SGIP1: variants seen among roughly 807,000 people sequenced by gnomAD.
SGIP1 encodes the protein SH3-containing GRB2-like protein 3-interacting protein 1.
SGIP1 carries 38 observed loss-of-function variants against 107.5 expected under a neutral mutation model. That is an observed-to-expected ratio of 0.35 (90% CI 0.27 to 0.46). The LOEUF is 0.46. Ranked by LOEUF, SGIP1 falls within the 20% of genes least tolerant of loss-of-function variation. The pLI is 1.00. For missense variants in SGIP1, 929 were observed against 1,019.5 expected (o/e 0.91, Z 1.21); for synonymous variants, 365 against 366.1 (o/e 1.00, Z 0.03).
chr1:66,594,997 G>T (rs994058350), intron 1 of SGIP1, among the ~76,000 whole-genome samples: 8 of 152,176 alleles, frequency 5.3e-5, no homozygotes, highest in Non-Finnish European at 1.2e-4. Context: ...GACTAAAATG[G>T]AATCAGGAGA....
chr1:66,718,740 T>C lies in SGIP1; in HGVS notation c.1631-554T>C, dbSNP rs115188204. On this transcript the variant is annotated intron_variant, in intron 18 of 24. Transcript: ENST00000371037. The stretch of plus-strand genomic sequence containing the variant: ...GCATTTATGTGTTGTGGTAAGTCGA[T>C]GTGTATAGTTTGGTTGTCTATGTTT... 5.4e-3 allele frequency among the ~76,000 whole-genome samples: 823 copies of C among 152,214 alleles called. 6 individuals carry two copies. Among genetic ancestry groups the C allele is most frequent in the African/African-American group, 0.019 (792 of 41,536 alleles).
At chr1:66,646,533 T>A (rs985119585) in intron 7 of SGIP1, among the ~76,000 whole-genome samples, 4 of 152,322 alleles carry the variant, frequency 2.6e-5, no homozygotes, top group Non-Finnish European at 5.9e-5. Context: ...CATTTATTTG[T>A]TAATATGTAT....
chr1:66,535,291 T>G (rs991901494), intron 1 of SGIP1, among the ~76,000 whole-genome samples: 1 of 152,204 alleles, frequency 6.6e-6, no homozygotes, highest in African/African-American at 2.4e-5. Flanking sequence ...GCAAAACTCC[T>G]GGCCTTTCCT....
rs1480048510 is a variant in SGIP1, at chr1:66,741,426, G to T, written c.2454G>T (p.Arg818Ser). 1.3e-6 allele frequency: 2 copies of T among 1,577,076 alleles called. No individual in the cohort carries two copies. The highest frequency in any genetic ancestry group is 1.7e-6 in the Non-Finnish European group (2 of 1,162,970). The change falls in exon 24 of 25, where the codon AGG (arginine) becomes AGT (serine). Residue 818 changes from arginine to serine, a missense_variant. Transcript: ENST00000371037. ...ATCGATTTTCACTCATCAAGAAAAG[G>T]TTTGCTGCAGGTAAATGAGTATCTT... ...AGYRFSLIKK[R>S]FAAGKYLADN
chr1:66,620,600 C>T (rs1337012194), intron 1 of SGIP1, among the ~76,000 whole-genome samples: 1 of 152,094 alleles, frequency 6.6e-6, no homozygotes, highest in Non-Finnish European at 1.5e-5. Context: ...AGCATAAACT[C>T]TTGTGAGAAC....
intron 3 of SGIP1, among the ~76,000 whole-genome samples, chr1:66,634,906 TCA>T (rs2075491487): frequency 6.6e-6 from 1 of 152,218 alleles, no homozygotes; most frequent in Non-Finnish European, 1.5e-5. Flanking sequence ...CATTCAGTTC[TCA>T]GAGATACCGA....
chr1:66,690,499 C>A, intron 17 of SGIP1, 183 bp downstream of exon 17: 1 of 697,190 alleles, frequency 1.4e-6, no homozygotes, highest in Non-Finnish European at 2.3e-6. Flanking sequence ...TTTACCTAAG[C>A]AAATGAACAA....
At chr1:66,679,393 G>C (rs1160556473) in intron 13 of SGIP1, among the ~76,000 whole-genome samples, 1 of 152,136 alleles carries the variant, frequency 6.6e-6, no homozygotes, top group Non-Finnish European at 1.5e-5. Flanking sequence ...CGTAGTTGCT[G>C]CTTGAGGTTT....
chr1:66,654,532 A>G (rs1240011754), intron 7 of SGIP1, among the ~76,000 whole-genome samples: 1 of 152,148 alleles, frequency 6.6e-6, no homozygotes, highest in Admixed American at 6.5e-5. Context: ...ATAAATAAGC[A>G]TAACAGTATA....
intron 18 of SGIP1, among the ~76,000 whole-genome samples, chr1:66,710,024 C>T (rs1253890160): frequency 6.6e-6 from 1 of 151,686 alleles, no homozygotes; most frequent in Non-Finnish European, 1.5e-5. Flanking sequence ...TCTAAGCCAA[C>T]TACAATCATA....
chr1:66,742,460 C>CCTTTTTTTTTTTTTT (rs2094478513), intron 24 of SGIP1, among the ~76,000 whole-genome samples: 2 of 45,104 alleles, frequency 4.4e-5, no homozygotes, highest in Non-Finnish European at 8.7e-5. Flanking sequence ...AGCACCCTTT[C>CCTTTTTTTTTTTTTT]TTTTTTTTTT....
chr1:66,628,238 T>C (rs1272964424), intron 2 of SGIP1, among the ~76,000 whole-genome samples: 1 of 152,112 alleles, frequency 6.6e-6, no homozygotes, highest in African/African-American at 2.4e-5. Context: ...AGCAGCATGA[T>C]TTATATTCCC....
At chr1:66,534,095 G>A, upstream of SGIP1, 7 of 571,470 alleles carry the variant, frequency 1.2e-5, no homozygotes, top group South Asian at 6.3e-5. Flanking sequence ...GGGATTGGCC[G>A]AGGCAGCGCA....
intron 7 of SGIP1, among the ~76,000 whole-genome samples, chr1:66,655,838 A>G (rs2079649124): frequency 6.6e-6 from 1 of 152,132 alleles, no homozygotes; most frequent in Admixed American, 6.5e-5. Context: ...AAGGCCTAGG[A>G]CATGACTGGA....
intron 1 of SGIP1, among the ~76,000 whole-genome samples, chr1:66,567,768 C>T (rs965695617): frequency 6.6e-6 from 1 of 152,086 alleles, no homozygotes; most frequent in South Asian, 2.1e-4. Context: ...GGAATCCTTT[C>T]CCCATTGCTT....
At chr1:66,557,530 TAGAC>T (rs1249823100) in intron 1 of SGIP1, among the ~76,000 whole-genome samples, 1 of 152,130 alleles carries the variant, frequency 6.6e-6, no homozygotes, top group African/African-American at 2.4e-5. Flanking sequence ...TTGGGTCTCT[TAGAC>T]AGAACATACA....
intron 1 of SGIP1, among the ~76,000 whole-genome samples, chr1:66,617,752 T>C (rs969890390): frequency 7.9e-5 from 12 of 152,204 alleles, no homozygotes; most frequent in Admixed American, 7.2e-4. Context: ...CTGGGCAGTA[T>C]ATAAAGATTT....
chr1:66,575,985 C>G (rs2061006780), intron 1 of SGIP1, among the ~76,000 whole-genome samples: 1 of 152,170 alleles, frequency 6.6e-6, no homozygotes, highest in African/African-American at 2.4e-5. Flanking sequence ...GACCCGTTTT[C>G]CTAGGAACAC....
At chr1:66,634,110 C>T (rs1476366825) in intron 3 of SGIP1, 1 of 1,609,714 alleles carries the variant, frequency 6.2e-7, no homozygotes. Flanking sequence ...GAAGACTCAG[C>T]TTCTCCTCAC....
Sources: gnomAD v4.1 joint callset for allele counts (sites outside exome capture counted in the v4.1 genomes callset) on GRCh38, gnomAD v4.1.1 for gene constraint, MANE v1.5 for transcripts, NCBI Gene and HGNC (gene_info 2026-07-23, HGNC 2026-07-21) for gene names.